The following BOK variants were observed in gnomAD, a reference collection of about 807,000 sequenced individuals.
BOK encodes the protein BCL2 family apoptosis regulator BOK, also known as bcl-2-related ovarian killer protein.
A neutral mutation model predicts 18.3 loss-of-function variants in BOK; 20 were observed. The observed-to-expected ratio is 1.09, with a 90% CI of 0.77 to 1.59. The LOEUF is 1.59. Among genes scored for constraint, BOK ranks in the 40% most tolerant of loss-of-function variants. The pLI is 0.00. For missense variants in BOK, 348 were observed against 307.9 expected (o/e 1.13, Z -0.97); for synonymous variants, 173 against 142.4 (o/e 1.21, Z -1.53).
chr2:241,561,021 G>A (rs2066519337), intron 2 of BOK, among the ~76,000 whole-genome samples: 1 of 152,214 alleles, frequency 6.6e-6, no homozygotes, highest in East Asian at 1.9e-4. Flanking sequence ...AGCAGCCCCG[G>A]AGATCTGTGT....
upstream of BOK, among the ~76,000 whole-genome samples, chr2:241,556,881 T>TG (rs1160251833): frequency 6.6e-6 from 1 of 152,238 alleles, no homozygotes; most frequent in South Asian, 2.1e-4. Context: ...ATTTTCTTTG[T>TG]GGGAAGATTT....
intron 1 of BOK, among the ~76,000 whole-genome samples, chr2:241,553,560 G>A (rs984362105): frequency 1.3e-5 from 2 of 152,228 alleles, no homozygotes; most frequent in East Asian, 3.8e-4. Flanking sequence ...ATGGCGGAGG[G>A]CGAAGAGGAA....
At chr2:241,559,374 G>A (rs1228243496) in intron 1 of BOK, 81 bp from the exon 2 acceptor site, 4 of 897,328 alleles carry the variant, frequency 4.5e-6, no homozygotes, top group Non-Finnish European at 5.9e-6. Flanking sequence ...CCCTTCCCGA[G>A]GGCCACGCCC....
intron 2 of BOK, chr2:241,560,376 A>G (rs1044208441): frequency 2.4e-6 from 2 of 826,506 alleles, no homozygotes; most frequent in Non-Finnish European, 1.5e-6. Flanking sequence ...AAGAGGGCAC[A>G]TGGGGCGCCT....
rs1424890153 is a variant in BOK, at chr2:241,562,462, A to C, written c.335A>C (p.His112Pro). ...GATGCGTTCCTGGCCGTGGCTGGCCACATCTTCTCTGCAGGTATGCCCAGC... is the reference window on the plus strand; with the variant it reads ...GATGCGTTCCTGGCCGTGGCTGGCCCCATCTTCTCTGCAGGTATGCCCAGC... ...VTDAFLAVAG[H>P]IFSAGITWGK... Residue 112 changes from histidine to proline, a missense_variant, in exon 3 of 5, where the codon CAC becomes CCC. Transcript: ENST00000318407. The surrounding 1 kb of genome is among the most constrained non-coding windows in gnomAD (Gnocchi z 4.5). The C allele has an allele frequency of 6.2e-7, 1 of 1,611,088 alleles. No homozygotes were observed. The highest frequency in any genetic ancestry group is 8.5e-7 in the Non-Finnish European group (1 of 1,179,374).
intron 3 of BOK, among the ~76,000 whole-genome samples, chr2:241,566,368 G>A (rs145973678): frequency 0.1 from 15,303 of 148,434 alleles, 907 homozygotes; most frequent in South Asian, 0.18. Context: ...GTGCGATCTC[G>A]GCTCACTGCA....
intron 3 of BOK, among the ~76,000 whole-genome samples, chr2:241,565,392 C>T (rs2066595255): frequency 6.6e-6 from 1 of 152,114 alleles, no homozygotes; most frequent in African/African-American, 2.4e-5. Flanking sequence ...GGCAGGGCCG[C>T]CCCTTCTGCC....
intron 3 of BOK, among the ~76,000 whole-genome samples, chr2:241,564,978 G>C (rs2066588787): frequency 6.6e-6 from 1 of 152,194 alleles, no homozygotes; most frequent in African/African-American, 2.4e-5. Flanking sequence ...TGAGGTGGGG[G>C]CGGTGCCTAG....
chr2:241,562,490 G>C lies in BOK; in HGVS notation c.349+14G>C, dbSNP rs1181284346. ...TCTTCTCTGCAGGTATGCCCAGCCT[G>C]CCCGTCCCATGGGACCTCAGGGAGG... On this transcript the variant is annotated intron_variant, in intron 3 of 4. Coordinates refer to ENST00000318407, the MANE Select transcript of BOK (RefSeq NM_032515.5). The surrounding 1 kb of genome is among the most constrained non-coding windows in gnomAD (Gnocchi z 4.5). The C allele has an allele frequency of 6.2e-7, 1 of 1,601,212 alleles. No individual in the cohort carries two copies. The highest frequency in any genetic ancestry group is 1.1e-5 in the South Asian group (1 of 89,330).
At chr2:241,554,972 G>C (rs1413219796), upstream of BOK, among the ~76,000 whole-genome samples, 4 of 152,178 alleles carry the variant, frequency 2.6e-5, no homozygotes, top group African/African-American at 4.8e-5. Flanking sequence ...TAAGAGTTCT[G>C]CAGAGACAGA....
chr2:241,572,219 G>T (rs1019372179), intron 4 of BOK, 78 bp from the exon 5 acceptor site: 138 of 1,569,042 alleles, frequency 8.8e-5, no homozygotes, highest in Non-Finnish European at 1.1e-4. Flanking sequence ...TCTGGTGCAC[G>T]GTGCTGGGGG....
At chr2:241,561,859 C>T (rs950685125) in intron 2 of BOK, among the ~76,000 whole-genome samples, 1 of 152,238 alleles carries the variant, frequency 6.6e-6, no homozygotes, top group African/African-American at 2.4e-5. Flanking sequence ...CTCGGGCTGT[C>T]CCCTGCTCTC....
Position 241,559,605 on chromosome 2 carries a change from C to T in BOK, c.122C>T (p.Ala41Val), listed in dbSNP as rs200232215. 3 of 1,485,534 alleles carry T rather than the reference C, an allele frequency of 2.0e-6. No individual in the cohort carries two copies. Among genetic ancestry groups the T allele is most frequent in the East Asian group, 2.9e-5 (1 of 34,814 alleles). 92.0% of individuals were successfully genotyped at this position (1,485,534 alleles called of 1,614,324 possible). ...GCGCTGGGCCGGGAGTACGTGCACG[C>T]GCGGCTGCTGCGCGCCGGCCTCTCC... Reference protein sequence around the residue: ...AKALGREYVHARLLRAGLSWS... With the variant: ...AKALGREYVHVRLLRAGLSWS... The change falls in exon 2 of 5, where the codon GCG (alanine) becomes GTG (valine). Residue 41 changes from alanine (A) to valine (V), a missense_variant. Physicochemically the swap from Ala to Val is moderately conservative, Grantham distance 64. Coordinates refer to ENST00000318407, the MANE Select transcript of BOK (RefSeq NM_032515.5).
intron 2 of BOK, chr2:241,559,926 A>G: frequency 5.1e-6 from 3 of 588,476 alleles, no homozygotes; most frequent in African/African-American, 2.0e-5. Flanking sequence ...CCCAGATTTC[A>G]GTCATGCTGG....
intron 3 of BOK, among the ~76,000 whole-genome samples, chr2:241,566,288 TTTTTTTC>T (rs1386125043): frequency 3.2e-5 from 4 of 126,550 alleles, no homozygotes; most frequent in Non-Finnish European, 6.4e-5. Context: ...TATTCTTTCT[TTTTTTTC>T]TTTTTTCTTT....
intron 3 of BOK, among the ~76,000 whole-genome samples, chr2:241,566,890 G>A (rs1282011765): frequency 1.5e-5 from 2 of 134,716 alleles, no homozygotes; most frequent in African/African-American, 2.9e-5. Flanking sequence ...GGGGTTTCTC[G>A]TGGGATGATG....
chr2:241,553,757 G>C (rs747315053), upstream of BOK, among the ~76,000 whole-genome samples: 1 of 152,184 alleles, frequency 6.6e-6, no homozygotes, highest in Non-Finnish European at 1.5e-5. Context: ...CGGGAGATTT[G>C]AGCTGGGACA....
chr2:241,553,238 C>T lies in BOK; in HGVS notation n.54+1761C>T, dbSNP rs2066427058. On this transcript the variant is annotated intron_variant and non_coding_transcript_variant, in intron 1 of 1. Coordinates refer to the BOK transcript ENST00000641230. ...CGATCTCAGCTCACTGCAACCTCCG[C>T]CTCCTGGGTTCAAGCAATTCTCCTG... Among the ~76,000 whole-genome samples, 4 of 152,334 alleles carry T rather than the reference C, an allele frequency of 2.6e-5. No homozygotes were observed. The South Asian group carries it at 8.3e-4, about 32-fold the overall frequency.
chr2:241,567,417 G>A lies in BOK; in HGVS notation c.350-2708G>A, dbSNP rs1472280250. ...GCTAGGATTATAGGCATGAGCCACCGCACCCAGCGTGGAATGCACTGTTCT... is the reference window on the plus strand; with the variant it reads ...GCTAGGATTATAGGCATGAGCCACCACACCCAGCGTGGAATGCACTGTTCT... On this transcript the variant is annotated intron_variant, in intron 3 of 4. Coordinates refer to ENST00000318407, the MANE Select transcript of BOK (RefSeq NM_032515.5). Among the ~76,000 whole-genome samples, 24 of 134,738 alleles carry A rather than the reference G, an allele frequency of 1.8e-4. 5 individuals carry two copies. Among genetic ancestry groups the A allele is most frequent in the African/African-American group, 6.4e-4 (22 of 34,384 alleles). 88.4% of individuals were successfully genotyped at this position (134,738 alleles called of 152,430 possible).
Sources: gnomAD v4.1 joint callset for allele counts (sites outside exome capture counted in the v4.1 genomes callset) on GRCh38, gnomAD v4.1.1 for gene constraint, Gnocchi (gnomAD v3.1) non-coding constraint, MANE v1.5 for transcripts, NCBI Gene and HGNC (gene_info 2026-07-23, HGNC 2026-07-21) for gene names.